Variants in LMNTD1 observed in about 807,000 individuals in gnomAD.
LMNTD1 encodes lamin tail domain-containing protein 1.
Under a neutral mutation model 50.9 loss-of-function variants are expected in LMNTD1, and 35 were observed. That is an observed-to-expected ratio of 0.69 (90% CI 0.53 to 0.91). LMNTD1 has a LOEUF of 0.91. LMNTD1 is among the 40% of genes least tolerant of loss of function. The pLI is 0.00. For synonymous variants in LMNTD1, 153 were observed against 161.9 expected, an observed-to-expected ratio of 0.94 and a Z score of 0.42; for missense variants, 470 against 475.5, an observed-to-expected ratio of 0.99 and a Z score of 0.11.
At chr12:25,492,745 A>G (rs953485431) in intron 9 of LMNTD1, among the ~76,000 whole-genome samples, 2 of 152,188 alleles carry the variant, frequency 1.3e-5, no homozygotes, top group African/African-American at 4.8e-5. Flanking sequence ...TTTATAGTGG[A>G]ACAAATTCTA....
At chr12:25,597,884 G>C (rs1345829699) in intron 1 of LMNTD1, among the ~76,000 whole-genome samples, 1 of 152,138 alleles carries the variant, frequency 6.6e-6, no homozygotes, top group Non-Finnish European at 1.5e-5. Context: ...GTTTGGCTGT[G>C]TGTCCCCACC....
intron 1 of LMNTD1, among the ~76,000 whole-genome samples, chr12:25,582,954 C>G (rs1945359978): frequency 6.6e-6 from 1 of 152,052 alleles, no homozygotes; most frequent in Admixed American, 6.5e-5. Flanking sequence ...CTCAAATGAT[C>G]CTCCTGCCTC....
chr12:25,549,470 G>A lies in LMNTD1; in HGVS notation c.166C>T (p.Pro56Ser). 1 of 1,613,260 alleles carries A rather than the reference G, an allele frequency of 6.2e-7. No homozygotes were observed. The highest frequency in any genetic ancestry group is 1.3e-5 in the African/African-American group (1 of 74,964). The change falls in exon 3 of 10, where the codon CCA becomes TCA. Residue 56 changes from proline to serine, a missense_variant. Coordinates refer to ENST00000458174, the MANE Select transcript of LMNTD1 (RefSeq NM_001145728.2). ...CCACTGGAATTTGAAGATGACAATGGCAGTGTTGTGGCAACTGAACCCAAC... is the reference window on the plus strand; with the variant it reads ...CCACTGGAATTTGAAGATGACAATGACAGTGTTGTGGCAACTGAACCCAAC... ...KMLGSVATTL[P>S]LSSSNSSGMP...
chr12:25,519,790 G>A (rs942487561), intron 7 of LMNTD1, 68 bp downstream of exon 7: 6 of 998,978 alleles, frequency 6.0e-6, no homozygotes, highest in East Asian at 2.4e-5. Flanking sequence ...TCATCTAGTC[G>A]TTCCCACATG....
intron 1 of LMNTD1, among the ~76,000 whole-genome samples, chr12:25,570,956 C>T (rs1944763428): frequency 5.3e-5 from 8 of 152,174 alleles, no homozygotes; most frequent in Admixed American, 3.9e-4. Flanking sequence ...AAATGCTGAG[C>T]AGCCTTAACA....
intron 1 of LMNTD1, among the ~76,000 whole-genome samples, chr12:25,569,642 G>A (rs1944704174): frequency 1.3e-5 from 2 of 152,168 alleles, no homozygotes; most frequent in Admixed American, 1.3e-4. Context: ...GATCACTCAT[G>A]ATTGGTTTAG....
chr12:25,647,328 C>CA lies in LMNTD1; in HGVS notation c.58+1165dup, dbSNP rs1281025074. Among the ~76,000 whole-genome samples, 9 of 151,944 alleles carry CA rather than the reference C, an allele frequency of 5.9e-5. 1 individual carries two copies. Among genetic ancestry groups the CA allele is most frequent in the East Asian group, 3.9e-4 (2 of 5,154 alleles). On this transcript the variant is annotated intron_variant, in intron 1 of 7. Transcript: ENST00000445693. ...GCAAAACCTATCTCTACCAAAAATA[C>CA]AAAAAAATTGGCTGGGCATGGTGGC... is the stretch of plus-strand genomic sequence containing the variant.
chr12:25,591,020 CCTTTA>C (rs2136470649), intron 1 of LMNTD1, among the ~76,000 whole-genome samples: 1 of 152,214 alleles, frequency 6.6e-6, no homozygotes, highest in African/African-American at 2.4e-5. Flanking sequence ...GAGTGAGACT[CCTTTA>C]CTTGAGAAAA....
intron 1 of LMNTD1, among the ~76,000 whole-genome samples, chr12:25,634,248 A>G (rs1038772241): frequency 6.6e-6 from 1 of 152,200 alleles, no homozygotes; most frequent in Non-Finnish European, 1.5e-5. Context: ...ATTCTACCAG[A>G]CAGACCTTCA....
intron 9 of LMNTD1, among the ~76,000 whole-genome samples, chr12:25,481,869 A>T (rs1465672561): frequency 8.3e-6 from 1 of 120,214 alleles, no homozygotes; most frequent in Admixed American, 7.8e-5. Context: ...GCCTCTTCAC[A>T]CACACACACA....
At chr12:25,648,547 T>C in exon 1 of LMNTD1, 1 of 1,551,620 alleles carries the variant, frequency 6.4e-7, no homozygotes, top group South Asian at 1.2e-5. Context: ...CACTGGCTGT[T>C]GCATGTAGTG....
rs370204882 is a variant in LMNTD1 at position 25,477,406 on chromosome 12, C to T, written c.*23-946G>A. Among the ~76,000 whole-genome samples, 16 of 151,900 alleles carry T rather than the reference C, an allele frequency of 1.1e-4. 1 individual carries two copies. Among genetic ancestry groups the T allele is most frequent in the Admixed American group, 5.9e-4 (9 of 15,250 alleles). On this transcript the variant is annotated intron_variant, in intron 9 of 9. Coordinates refer to ENST00000458174, the MANE Select transcript of LMNTD1 (RefSeq NM_001145728.2). ...TAGTGGGGATTGGTGGGGATAAAAT[C>T]GGTCGTAGAAAGCAACCGTAGAAAG...
At chr12:25,611,024 G>A (rs1355027683) in intron 1 of LMNTD1, among the ~76,000 whole-genome samples, 3 of 152,082 alleles carry the variant, frequency 2.0e-5, no homozygotes, top group East Asian at 1.9e-4. Context: ...ATTTCTAGGC[G>A]CACAGAGGAG....
intron 8 of LMNTD1, 44 bp downstream of exon 8, chr12:25,518,749 GCA>G: frequency 6.4e-7 from 1 of 1,559,142 alleles, no homozygotes. Context: ...ACATGTGCAT[GCA>G]CACACACGCA....
chr12:25,484,793 T>C (rs1215136302), intron 9 of LMNTD1, among the ~76,000 whole-genome samples: 1 of 146,102 alleles, frequency 6.8e-6, no homozygotes, highest in Non-Finnish European at 1.5e-5. Context: ...CTGAGAATGA[T>C]GATTTCCAAT....
chr12:25,635,129 A>G (rs907479811), intron 1 of LMNTD1, among the ~76,000 whole-genome samples: 1 of 151,396 alleles, frequency 6.6e-6, no homozygotes, highest in African/African-American at 2.4e-5. Context: ...AATCCCAGCT[A>G]CTCTGGAGGC....
intron 8 of LMNTD1, among the ~76,000 whole-genome samples, chr12:25,510,023 C>G (rs1441131308): frequency 6.6e-6 from 1 of 152,188 alleles, no homozygotes; most frequent in Non-Finnish European, 1.5e-5. Flanking sequence ...CCCTAGGAAA[C>G]TATACAGTTG....
At chr12:25,587,991 G>A (rs566286131) in intron 1 of LMNTD1, among the ~76,000 whole-genome samples, 4 of 152,258 alleles carry the variant, frequency 2.6e-5, no homozygotes, top group South Asian at 2.1e-4. Context: ...AATTTGTTTA[G>A]TTATAACTTG....
intron 4 of LMNTD1, among the ~76,000 whole-genome samples, chr12:25,542,266 GCA>G (rs1943132931): frequency 6.6e-6 from 1 of 152,090 alleles, no homozygotes; most frequent in Non-Finnish European, 1.5e-5. Context: ...AAAGACACAT[GCA>G]CGTGTATGTT....
Sources: gnomAD v4.1 joint callset for allele counts (sites outside exome capture counted in the v4.1 genomes callset) on GRCh38, gnomAD v4.1.1 for gene constraint, MANE v1.5 for transcripts, NCBI Gene and HGNC (gene_info 2026-07-23, HGNC 2026-07-21) for gene names.